FAM204A: variants seen among roughly 807,000 people sequenced by gnomAD.
FAM204A encodes family with sequence similarity 204 member A, also known as protein FAM204A.
Under a neutral mutation model 35.4 loss-of-function variants are expected in FAM204A, and 16 were observed. The observed-to-expected ratio is 0.45, with a 90% CI of 0.31 to 0.69. FAM204A has a LOEUF of 0.69. Among genes scored for constraint, FAM204A ranks in the 30% least tolerant of loss-of-function variants. FAM204A has a pLI of 0.07. For synonymous variants in FAM204A, 76 were observed against 86.9 expected (o/e 0.88, Z 0.70); for missense variants, 240 against 265.7 (o/e 0.90, Z 0.67).
chr10:118,314,013 T>C (rs1589719763), intron 7 of FAM204A, among the ~76,000 whole-genome samples: 1 of 152,310 alleles, frequency 6.6e-6, no homozygotes, highest in East Asian at 1.9e-4. Flanking sequence ...TAAAAGCTTT[T>C]AGTGCTCCAG....
chr10:118,341,994 C>T (rs1846491993), intron 1 of FAM204A, 67 bp from the exon 2 acceptor site: 1 of 152,280 alleles, frequency 6.6e-6, no homozygotes, highest in South Asian at 2.1e-4. Context: ...TCCTCAATCC[C>T]CTCTCACTTT....
intron 7 of FAM204A, among the ~76,000 whole-genome samples, chr10:118,321,544 T>C (rs1267123468): frequency 6.6e-6 from 1 of 152,010 alleles, no homozygotes; most frequent in African/African-American, 2.4e-5. Context: ...ATTGTATTTG[T>C]ATGAATATAA....
intron 3 of FAM204A, chr10:118,335,928 G>A (rs1381457750): frequency 5.6e-6 from 3 of 536,722 alleles, no homozygotes; most frequent in Non-Finnish European, 9.6e-6. Flanking sequence ...CATGTACCAC[G>A]CTAGGCAAAC....
intron 7 of FAM204A, among the ~76,000 whole-genome samples, chr10:118,323,977 G>A (rs977295020): frequency 6.6e-6 from 1 of 152,064 alleles, no homozygotes; most frequent in African/African-American, 2.4e-5. Context: ...TTCATAGGGA[G>A]AAGAACTCCT....
At chr10:118,321,525 G>GA (rs1021553969) in intron 7 of FAM204A, among the ~76,000 whole-genome samples, 34 of 151,500 alleles carry the variant, frequency 2.2e-4, no homozygotes, top group African/African-American at 7.5e-4. Flanking sequence ...TATTTTACCA[G>GA]AAAAAAACAT....
intron 7 of FAM204A, among the ~76,000 whole-genome samples, chr10:118,316,647 T>C (rs187805338): frequency 5.3e-5 from 8 of 152,304 alleles, no homozygotes; most frequent in Admixed American, 3.3e-4. Context: ...TATCACTTTA[T>C]TTCAAAGCAT....
chr10:118,319,300 C>T (rs1846077073), intron 7 of FAM204A, among the ~76,000 whole-genome samples: 1 of 151,992 alleles, frequency 6.6e-6, no homozygotes, highest in African/African-American at 2.4e-5. Flanking sequence ...ATTTAATTCA[C>T]TTAGTTATAA....
chr10:118,320,883 T>TTGTGTG (rs150492778), intron 7 of FAM204A, among the ~76,000 whole-genome samples: 1 of 148,744 alleles, frequency 6.7e-6, no homozygotes, highest in Non-Finnish European at 1.5e-5. Context: ...GAATACCGTT[T>TTGTGTG]TGTGTGTGTG....
intron 7 of FAM204A, among the ~76,000 whole-genome samples, chr10:118,314,478 T>C (rs796202164): frequency 6.6e-6 from 1 of 152,224 alleles, no homozygotes; most frequent in Non-Finnish European, 1.5e-5. Flanking sequence ...AGACCTTCTA[T>C]GAAAGAGGCA....
chr10:118,328,496 T>G (rs1289454415), intron 6 of FAM204A, among the ~76,000 whole-genome samples: 1 of 103,884 alleles, frequency 9.6e-6, no homozygotes, highest in East Asian at 3.0e-4. Context: ...TGTCAACTGT[T>G]TTTTTTTTTT....
At position 118,304,653 on chromosome 10, in the gene FAM204A, A is replaced by AACAGCCCTTTATGGCAC. The variant is rs1236173338; in HGVS notation, c.*6203_*6204insGTGCCATAAAGGGCTGT. 6.6e-6 allele frequency: 1 copy of AACAGCCCTTTATGGCAC among 152,244 alleles called. No individual in the cohort carries two copies. Among genetic ancestry groups the AACAGCCCTTTATGGCAC allele is most frequent in the Non-Finnish European group, 1.5e-5 (1 of 68,078 alleles). 9.4% of individuals were successfully genotyped at this position (152,244 alleles called of 1,614,324 possible). ...CTACTCGCCTACCTGGTAAAGTCCC[A>AACAGCCCTTTATGGCAC]ACAGCCCTTTATGGCATAATAAGCA... On this transcript the variant is annotated 3_prime_UTR_variant, in exon 9 of 9. Coordinates refer to ENST00000369183, the MANE Select transcript of FAM204A (RefSeq NM_022063.3).
chr10:118,311,564 T>G (rs1845952577), intron 7 of FAM204A: 2 of 364,280 alleles, frequency 5.5e-6, no homozygotes, highest in African/African-American at 4.2e-5. Flanking sequence ...CTGAGGCCCC[T>G]CGAGGGTCCA....
intron 7 of FAM204A, among the ~76,000 whole-genome samples, chr10:118,320,679 A>T (rs757122105): frequency 1.2e-4 from 19 of 152,032 alleles, no homozygotes; most frequent in Non-Finnish European, 1.9e-4. Flanking sequence ...AACAGGAGGG[A>T]CAGTCTCAAT....
At chr10:118,328,232 T>C (rs893661278) in intron 6 of FAM204A, among the ~76,000 whole-genome samples, 1 of 152,214 alleles carries the variant, frequency 6.6e-6, no homozygotes, top group Non-Finnish European at 1.5e-5. Flanking sequence ...CTAATTCATC[T>C]GCTTTGCCTT....
At chr10:118,340,398 T>C (rs1333634076) in intron 2 of FAM204A, among the ~76,000 whole-genome samples, 6 of 152,228 alleles carry the variant, frequency 3.9e-5, no homozygotes, top group Non-Finnish European at 8.8e-5. Context: ...TGGGCCTCCA[T>C]TCTTAAGCTA....
rs1845878108 is a variant in FAM204A at position 118,307,273 on chromosome 10, T to C, written c.*3584A>G. On this transcript the variant is annotated 3_prime_UTR_variant, in exon 9 of 9. Coordinates refer to ENST00000369183, the MANE Select transcript of FAM204A (RefSeq NM_022063.3). The stretch of plus-strand genomic sequence containing the variant: ...GTCTACATTTGGTTCTGGAAAAAGA[T>C]TTTCATGTACATATTTTGTCCAAAT... 1 of 152,214 alleles carries C rather than the reference T, an allele frequency of 6.6e-6. No homozygotes were observed. The highest frequency in any genetic ancestry group is 2.1e-4 in the South Asian group (1 of 4,838). 9.4% of individuals were successfully genotyped at this position (152,214 alleles called of 1,614,324 possible). A position where few individuals can be genotyped will look rare whatever the true frequency, so the allele number is the denominator to read the frequency against.
In FAM204A at chr10:118,336,426, A is replaced by G. The variant is rs1846388967; in HGVS notation, c.-8-3T>C. 2 of 1,598,660 alleles carry G rather than the reference A, an allele frequency of 1.3e-6. No homozygotes were observed. The highest frequency in any genetic ancestry group is 1.7e-6 in the Non-Finnish European group (2 of 1,173,718). ...CAGCCCACTCCACATCTTTTCTTCT[A>G]TGAGGAAAAAGATTAATTTACACAT... On this transcript the variant is annotated splice_region_variant and splice_polypyrimidine_tract_variant and intron_variant, in intron 2 of 8. Transcript: ENST00000369183.
intron 7 of FAM204A, among the ~76,000 whole-genome samples, chr10:118,314,171 G>C (rs1845995521): frequency 6.6e-6 from 1 of 152,188 alleles, no homozygotes; most frequent in South Asian, 2.1e-4. Flanking sequence ...ATCATTTTGT[G>C]AGCTTAATAA....
chr10:118,311,929 C>T (rs1845958677), intron 7 of FAM204A, among the ~76,000 whole-genome samples: 1 of 152,156 alleles, frequency 6.6e-6, no homozygotes, highest in Non-Finnish European at 1.5e-5. Context: ...GTGCAGGGCC[C>T]TCTATGTGTG....
Sources: gnomAD v4.1 joint callset for allele counts (sites outside exome capture counted in the v4.1 genomes callset) on GRCh38, gnomAD v4.1.1 for gene constraint, MANE v1.5 for transcripts, NCBI Gene and HGNC (gene_info 2026-07-23, HGNC 2026-07-21) for gene names.